PCYT1A: variants seen among roughly 807,000 people sequenced by gnomAD.
PCYT1A encodes the protein phosphate cytidylyltransferase 1A, choline.
In PCYT1A, 25 loss-of-function variants were observed where a neutral mutation model predicts 43.7. The ratio of observed to expected loss-of-function variants is 0.57; its 90% confidence interval spans 0.42 to 0.80. The LOEUF is 0.80. Among genes scored for constraint, PCYT1A ranks in the 30% least tolerant of loss-of-function variants. PCYT1A has a pLI of 0.00. For missense variants in PCYT1A, 421 were observed against 474.2 expected (o/e 0.89, Z 1.04); for synonymous variants, 172 against 170.7 (o/e 1.01, Z -0.06).
Position 196,242,985 on chromosome 3 carries a change from A to C in PCYT1A, c.487-345T>G. ...TGGGTGGAGCCTAGGAAAGAAGGAA[A>C]TCTCCCTGTCCTGGGTCTGGAAGGA... is the stretch of plus-strand genomic sequence containing the variant. On this transcript the variant is annotated intron_variant, in intron 5 of 8. Coordinates refer to ENST00000431016, the MANE Select transcript of PCYT1A (RefSeq NM_001312673.2). The surrounding 1 kb of genome is among the most constrained non-coding windows in gnomAD (Gnocchi z 4.2). 3.6e-6 allele frequency: 1 copy of C among 274,662 alleles called. No homozygotes were observed. The highest frequency in any genetic ancestry group is 7.1e-6 in the Non-Finnish European group (1 of 141,374). The allele number at this position is 274,662 out of a possible 1,614,324, so 17.0% of individuals were successfully genotyped here.
chr3:196,283,057 G>A (rs530677133), intron 1 of PCYT1A, among the ~76,000 whole-genome samples: 2 of 152,228 alleles, frequency 1.3e-5, no homozygotes, highest in Non-Finnish European at 2.9e-5. Flanking sequence ...AAAGCAAGGG[G>A]CAAGGCACAG....
intron 1 of PCYT1A, among the ~76,000 whole-genome samples, chr3:196,280,896 G>A (rs1000755096): frequency 1.6e-4 from 25 of 152,296 alleles, no homozygotes; most frequent in African/African-American, 4.8e-4. Flanking sequence ...GTAAAACTGC[G>A]ACTAAGGGTG....
chr3:196,248,982 G>C (rs1724662652), intron 3 of PCYT1A, among the ~76,000 whole-genome samples: 1 of 149,158 alleles, frequency 6.7e-6, no homozygotes, highest in Admixed American at 6.7e-5. Context: ...GGATGGTCTC[G>C]ATCTCCTGAC....
chr3:196,283,846 C>T (rs757356382), intron 1 of PCYT1A, among the ~76,000 whole-genome samples: 68 of 152,302 alleles, frequency 4.5e-4, no homozygotes, highest in South Asian at 8.3e-4. Context: ...TCCCAAGTCA[C>T]CCCTTTTTCT....
chr3:196,271,270 C>T (rs1487669780), intron 1 of PCYT1A, among the ~76,000 whole-genome samples: 2 of 152,104 alleles, frequency 1.3e-5, no homozygotes, highest in African/African-American at 4.8e-5. Context: ...CCTCCCAACT[C>T]AAACTCCCAA....
intron 5 of PCYT1A, among the ~76,000 whole-genome samples, chr3:196,245,204 C>T (rs1362562875): frequency 6.6e-6 from 1 of 150,692 alleles, no homozygotes; most frequent in African/African-American, 2.4e-5. Flanking sequence ...TGTAGTGGCA[C>T]AGTCTCGGCT....
intron 7 of PCYT1A, chr3:196,240,542 A>G (rs1724317558): frequency 6.6e-6 from 1 of 152,228 alleles, no homozygotes; most frequent in Non-Finnish European, 1.5e-5. Context: ...AATATAAAAA[A>G]TAAGCTGGGT....
chr3:196,258,506 T>C (rs73086605), intron 2 of PCYT1A, among the ~76,000 whole-genome samples: 2,578 of 152,246 alleles, frequency 0.017, 84 homozygotes, highest in African/African-American at 0.059. Flanking sequence ...TAGTATCCGT[T>C]GTTGTTTCAT....
intron 1 of PCYT1A, among the ~76,000 whole-genome samples, chr3:196,281,788 G>T (rs769742229): frequency 2.0e-5 from 3 of 152,228 alleles, no homozygotes; most frequent in Non-Finnish European, 2.9e-5. Flanking sequence ...GCCTCGAACT[G>T]CTGGGCTTAA....
At position 196,242,369 on chromosome 3, in the gene PCYT1A, A is replaced by G. The variant is rs1043582282; in HGVS notation, c.565+193T>C. Reference sequence around the variant, plus strand: ...TCCAAAGTAGATGTTTAGACCAAGAATTGATGGATGTCATGAACTGACGAC... The same window carrying G: ...TCCAAAGTAGATGTTTAGACCAAGAGTTGATGGATGTCATGAACTGACGAC... On this transcript the variant is annotated intron_variant, in intron 6 of 8. Coordinates refer to ENST00000431016, the MANE Select transcript of PCYT1A (RefSeq NM_001312673.2). This position sits in a 1 kb window ranked among gnomAD's most constrained non-coding sequence, Gnocchi z 4.2. 8 of 704,102 alleles carry G rather than the reference A, an allele frequency of 1.1e-5. No individual in the cohort carries two copies. The highest frequency in any genetic ancestry group is 6.1e-5 in the Admixed American group (3 of 49,316). The allele number at this position is 704,102 out of a possible 1,614,324, so 43.6% of individuals were successfully genotyped here.
In PCYT1A at chr3:196,241,933, A is replaced by G; in HGVS notation, c.708+15T>C. 1.2e-6 allele frequency: 2 copies of G among 1,614,076 alleles called. No individual in the cohort carries two copies. The highest frequency in any genetic ancestry group is 1.7e-6 in the Non-Finnish European group (2 of 1,179,922). ...CTACAGAGTCAGGGAACTCTGGGGT[A>G]AGGCTGGAACTCACGTTGATAAAGC... On this transcript the variant is annotated intron_variant, in intron 7 of 8. Transcript: ENST00000431016.
Position 196,247,635 on chromosome 3 carries a change from G to GA in PCYT1A, c.335-118dup, listed in dbSNP as rs1384290891. The stretch of plus-strand genomic sequence containing the variant: ...GGACTGCAACCATCTTCCCCAACTG[G>GA]AAAAAAGTCTTCTAAAGGTGGTTGA... On this transcript the variant is annotated intron_variant, in intron 4 of 8. Coordinates refer to ENST00000431016, the MANE Select transcript of PCYT1A (RefSeq NM_001312673.2). The surrounding 1 kb of genome is among the most constrained non-coding windows in gnomAD (Gnocchi z 4.8). 2.0e-6 allele frequency: 2 copies of GA among 1,021,230 alleles called. No individual in the cohort carries two copies. Among genetic ancestry groups the GA allele is most frequent in the Non-Finnish European group, 3.0e-6 (2 of 657,012 alleles). 63.3% of individuals were successfully genotyped at this position (1,021,230 alleles called of 1,614,324 possible). A position where few individuals can be genotyped will look rare whatever the true frequency, so the allele number is the denominator to read the frequency against.
chr3:196,238,606 T>G lies in PCYT1A; in HGVS notation c.*82A>C. On this transcript the variant is annotated 3_prime_UTR_variant, in exon 9 of 9. Transcript: ENST00000431016. ...TTGTAGCTGTCCTTAGGTTTAGTGT[T>G]GGGGTCACAATTTGGAATTCAACAG... is the stretch of plus-strand genomic sequence containing the variant. 1.1e-6 allele frequency: 1 copy of G among 950,556 alleles called. No homozygotes were observed. Among genetic ancestry groups the G allele is most frequent in the Non-Finnish European group, 1.5e-6 (1 of 649,562 alleles). The allele number at this position is 950,556 out of a possible 1,614,324, so 58.9% of individuals were successfully genotyped here.
At chr3:196,279,500 G>A (rs1378198015) in intron 1 of PCYT1A, among the ~76,000 whole-genome samples, 2 of 152,146 alleles carry the variant, frequency 1.3e-5, no homozygotes, top group African/African-American at 2.4e-5. Context: ...AATACAGAAT[G>A]CAGTATCTGT....
chr3:196,248,465 G>A, intron 3 of PCYT1A, 142 bp from the exon 4 acceptor site: 1 of 500,952 alleles, frequency 2.0e-6, no homozygotes, highest in Non-Finnish European at 3.7e-6. Context: ...TCCGCCTCCT[G>A]GGTTCAAGTG....
chr3:196,239,559 C>T lies in PCYT1A; in HGVS notation c.885G>A (p.Pro295=), dbSNP rs771264683. The T allele has an allele frequency of 1.6e-5, 25 of 1,606,608 alleles. No homozygotes were observed. The highest frequency in any genetic ancestry group is 1.0e-4 in the Admixed American group (6 of 59,978). ...FIGSFLEMFG[P]EGALKHMLKE... is the part of the protein sequence containing the mutation. ...GGAAAGAACATACCAGTGCTCCTTC[C>T]GGACCAAACATTTCCAGAAAACTTC... Residue 295 remains proline, a synonymous_variant, in exon 8 of 9, where the codon CCG becomes CCA. Coordinates refer to ENST00000431016, the MANE Select transcript of PCYT1A (RefSeq NM_001312673.2).
chr3:196,239,944 G>A, intron 7 of PCYT1A: 1 of 521,598 alleles, frequency 1.9e-6, no homozygotes, highest in Non-Finnish European at 3.4e-6. Context: ...AATATTGTGG[G>A]CATTTGGGAA....
rs75470234 is a variant in PCYT1A at position 196,237,802 on chromosome 3, A to G, written c.*886T>C. On this transcript the variant is annotated 3_prime_UTR_variant, in exon 9 of 9. Coordinates refer to ENST00000431016, the MANE Select transcript of PCYT1A (RefSeq NM_001312673.2). ...GGGCCAGGCACTTACTCCCAGTAGG[A>G]AACTAATCTCAATCGACTTGGTATA... 6.6e-6 allele frequency: 1 copy of G among 152,194 alleles called. No homozygotes were observed. Among genetic ancestry groups the G allele is most frequent in the Admixed American group, 6.5e-5 (1 of 15,280 alleles). The allele number at this position is 152,194 out of a possible 1,614,324, so 9.4% of individuals were successfully genotyped here. A position where few individuals can be genotyped will look rare whatever the true frequency, so the allele number is the denominator to read the frequency against.
At chr3:196,278,532 T>C (rs1052207513) in intron 1 of PCYT1A, among the ~76,000 whole-genome samples, 2 of 152,110 alleles carry the variant, frequency 1.3e-5, no homozygotes, top group Non-Finnish European at 2.9e-5. Context: ...GGGCAGTGCA[T>C]TACTCAATGC....
Sources: allele counts gnomAD v4.1 joint callset (sites outside exome capture counted in the v4.1 genomes callset), GRCh38; gene constraint gnomAD v4.1.1; non-coding constraint Gnocchi (gnomAD v3.1); transcripts MANE v1.5; gene names NCBI Gene and HGNC (gene_info 2026-07-23, HGNC 2026-07-21).